SPOCK1: variants seen among roughly 807,000 people sequenced by gnomAD.
SPOCK1 encodes the protein SPARC (osteonectin), cwcv and kazal like domains proteoglycan 1.
Under a neutral mutation model 55.3 loss-of-function variants are expected in SPOCK1, and 23 were observed. The ratio of observed to expected loss-of-function variants is 0.42; its 90% CI spans 0.30 to 0.59. The LOEUF (loss-of-function observed/expected upper bound fraction) is 0.59, where lower values mean the gene tolerates loss of function less well. Ranked by LOEUF, SPOCK1 falls within the 20% of genes least tolerant of loss-of-function variation. The probability of loss-of-function intolerance (pLI) is 0.22; values close to 1 mark genes in which losing one functional copy is unlikely to be tolerated. For synonymous variants in SPOCK1, 226 were observed against 221.0 expected, an observed-to-expected ratio of 1.02 and a Z score of -0.20; for missense variants, 499 against 552.5, an observed-to-expected ratio of 0.90 and a Z score of 0.97.
At chr5:137,314,017 G>A (rs1337069650) in intron 2 of SPOCK1, among the ~76,000 whole-genome samples, 8 of 150,868 alleles carry the variant, frequency 5.3e-5, no homozygotes, top group Non-Finnish European at 7.4e-5. Context: ...TCCTCCCATC[G>A]TCCTCTCAGA....
At position 137,282,150 on chromosome 5, in the gene SPOCK1, A is replaced by AT. The variant is rs533633109; in HGVS notation, c.187-15096dup. The stretch of plus-strand genomic sequence containing the variant: ...GGATGCACCAAGAAATGGTAACTAT[A>AT]TTTTGTAGTTGACCCCAGTATATCC... On this transcript the variant is annotated intron_variant, in intron 2 of 10. Coordinates refer to ENST00000394945, the MANE Select transcript of SPOCK1 (RefSeq NM_004598.4). 3.7e-4 allele frequency among the ~76,000 whole-genome samples: 57 copies of AT among 152,324 alleles called. No individual in the cohort carries two copies. In the East Asian group the frequency reaches 9.7e-3, roughly 26 times the overall value.
intron 2 of SPOCK1, among the ~76,000 whole-genome samples, chr5:137,493,671 A>G (rs1383560151): frequency 6.6e-6 from 1 of 152,250 alleles, no homozygotes; most frequent in Non-Finnish European, 1.5e-5. Context: ...GGTTCATTAA[A>G]GAGAGTCAGG....
In SPOCK1 at chr5:137,194,067, C is replaced by A. The variant is rs192093618; in HGVS notation, c.233-53373G>T. 3.9e-3 allele frequency among the ~76,000 whole-genome samples: 597 copies of A among 152,284 alleles called. 3 individuals carry two copies. Among genetic ancestry groups the A allele is most frequent in the African/African-American group, 9.6e-3 (399 of 41,552 alleles). The stretch of plus-strand genomic sequence containing the variant: ...TGAAGCCCTCTGAACAGCTTCTTCC[C>A]TTCGCCCTAAGAAAAAATATTGCAC... On this transcript the variant is annotated intron_variant, in intron 3 of 10. Transcript: ENST00000394945.
chr5:137,436,451 C>G (rs1752867338), intron 2 of SPOCK1, among the ~76,000 whole-genome samples: 1 of 152,176 alleles, frequency 6.6e-6, no homozygotes, highest in Non-Finnish European at 1.5e-5. Context: ...CTAGACTATT[C>G]TGTTCCACTT....
intron 2 of SPOCK1, among the ~76,000 whole-genome samples, chr5:137,393,108 A>G (rs772608144): frequency 6.6e-6 from 1 of 152,208 alleles, no homozygotes; most frequent in Non-Finnish European, 1.5e-5. Context: ...GACACATGAT[A>G]GAATTTTGTG....
At chr5:137,293,180 G>A (rs910316170) in intron 2 of SPOCK1, among the ~76,000 whole-genome samples, 5 of 138,566 alleles carry the variant, frequency 3.6e-5, no homozygotes, top group African/African-American at 8.1e-5. Flanking sequence ...TCTAATAAAC[G>A]AACACACAGC....
At chr5:137,412,325 T>C (rs567675193) in intron 2 of SPOCK1, among the ~76,000 whole-genome samples, 118 of 152,284 alleles carry the variant, frequency 7.7e-4, no homozygotes, top group African/African-American at 2.8e-3. Flanking sequence ...AAAATGAACA[T>C]CTGGCAAGCC....
At chr5:137,014,749 C>G (rs1014111560) in intron 6 of SPOCK1, among the ~76,000 whole-genome samples, 1 of 152,290 alleles carries the variant, frequency 6.6e-6, no homozygotes, top group African/African-American at 2.4e-5. Context: ...ATATTAGAAT[C>G]CTGACAAGAA....
rs550102840 is a variant in SPOCK1 at position 137,468,264 on chromosome 5, T to C, written c.186+30109A>G. ...GAGGGCTGCCAATACATGGCAGAGA[T>C]AGACTGAAACACTCAAAATAAAGAT... is the stretch of plus-strand genomic sequence containing the variant. On this transcript the variant is annotated intron_variant, in intron 2 of 10. Coordinates refer to ENST00000394945, the MANE Select transcript of SPOCK1 (RefSeq NM_004598.4). Among the ~76,000 whole-genome samples the C allele has an allele frequency of 2.0e-5, 3 of 152,308 alleles. No individual in the cohort carries two copies. The East Asian group carries it at 5.8e-4, about 29-fold the overall frequency.
chr5:137,466,510 A>G lies in SPOCK1; in HGVS notation c.186+31863T>C, dbSNP rs561927832. 5.1e-4 allele frequency among the ~76,000 whole-genome samples: 78 copies of G among 152,260 alleles called. 1 individual carries two copies. Among genetic ancestry groups the G allele is most frequent in the African/African-American group, 1.8e-3 (75 of 41,548 alleles). On this transcript the variant is annotated intron_variant, in intron 2 of 10. Transcript: ENST00000394945. ...TGAGGACAGAGCCCAAAGCAATTCC[A>G]ACTCATAGTCTACCTTCAGATTGAT...
intron 3 of SPOCK1, among the ~76,000 whole-genome samples, chr5:137,160,209 T>A (rs1754498817): frequency 6.6e-6 from 1 of 150,920 alleles, no homozygotes; most frequent in South Asian, 2.1e-4. Context: ...GAACATACGA[T>A]GTTTGGTTTT....
intron 3 of SPOCK1, among the ~76,000 whole-genome samples, chr5:137,248,165 T>C (rs530989181): frequency 3.3e-5 from 5 of 152,354 alleles, no homozygotes; most frequent in African/African-American, 1.2e-4. Flanking sequence ...ATTCTTTTGA[T>C]CTCATTACTA....
chr5:137,269,049 G>C (rs1324170656), intron 2 of SPOCK1, among the ~76,000 whole-genome samples: 1 of 117,210 alleles, frequency 8.5e-6, no homozygotes, highest in Non-Finnish European at 1.8e-5. Flanking sequence ...GCATTCTTCT[G>C]GACCTTGCCA....
intron 2 of SPOCK1, among the ~76,000 whole-genome samples, chr5:137,482,854 T>C (rs1753978742): frequency 6.6e-6 from 1 of 152,202 alleles, no homozygotes. Context: ...ATTTTCCTAC[T>C]CCTCAGGGTA....
intron 2 of SPOCK1, among the ~76,000 whole-genome samples, chr5:137,468,726 G>A (rs778477296): frequency 6.6e-6 from 1 of 152,140 alleles, no homozygotes; most frequent in Non-Finnish European, 1.5e-5. Context: ...TCAGCTTTGG[G>A]AAAAGCCCGC....
intron 2 of SPOCK1, among the ~76,000 whole-genome samples, chr5:137,385,035 T>C (rs1751570433): frequency 6.6e-6 from 1 of 152,196 alleles, no homozygotes; most frequent in South Asian, 2.1e-4. Context: ...AAAGAGATAA[T>C]GTCTGCAGCA....
intron 6 of SPOCK1, among the ~76,000 whole-genome samples, chr5:137,023,797 C>A (rs1465437689): frequency 6.6e-6 from 1 of 152,004 alleles, no homozygotes; most frequent in Non-Finnish European, 1.5e-5. Context: ...GAAGGAGAAC[C>A]AAGCTGATTT....
intron 3 of SPOCK1, among the ~76,000 whole-genome samples, chr5:137,143,670 G>A (rs1462610478): frequency 6.6e-6 from 1 of 152,138 alleles, no homozygotes; most frequent in Non-Finnish European, 1.5e-5. Context: ...AGTTTTTTGT[G>A]TTTGTCTTTT....
At chr5:137,100,875 G>GAAA (rs57089475) in intron 5 of SPOCK1, among the ~76,000 whole-genome samples, 5 of 147,104 alleles carry the variant, frequency 3.4e-5, no homozygotes, top group African/African-American at 5.1e-5. Flanking sequence ...TCCGAAAGGG[G>GAAA]AAAAAAAAAA....
Sources: allele counts gnomAD v4.1 joint callset (sites outside exome capture counted in the v4.1 genomes callset), GRCh38; gene constraint gnomAD v4.1.1; transcripts MANE v1.5; gene names NCBI Gene and HGNC (gene_info 2026-07-23, HGNC 2026-07-21).